Variants in GPC5 observed in about 807,000 individuals in gnomAD.
The protein encoded by GPC5 is glypican-5.
GPC5 carries 47 observed loss-of-function variants against 53.9 expected under a neutral mutation model. The observed-to-expected ratio is 0.87, with a 90% confidence interval of 0.69 to 1.11. The LOEUF is 1.11. Ranked by LOEUF, GPC5 falls within the 50% of genes most tolerant of loss-of-function variation. GPC5 has a pLI of 0.00. For synonymous variants in GPC5, 286 were observed against 263.3 expected, an observed-to-expected ratio of 1.09 and a Z score of -0.84; for missense variants, 748 against 713.1, an observed-to-expected ratio of 1.05 and a Z score of -0.56.
intron 5 of GPC5, among the ~76,000 whole-genome samples, chr13:91,845,533 A>C (rs1490945311): frequency 6.6e-6 from 1 of 152,198 alleles, no homozygotes; most frequent in Non-Finnish European, 1.5e-5. Context: ...TATACAGTAC[A>C]GTATTATTAA....
chr13:92,443,366 A>C (rs1877654785), intron 7 of GPC5, among the ~76,000 whole-genome samples: 1 of 152,212 alleles, frequency 6.6e-6, no homozygotes, highest in African/African-American at 2.4e-5. Context: ...AAGATATCCA[A>C]ACCATATTTC....
intron 4 of GPC5, among the ~76,000 whole-genome samples, chr13:91,753,910 T>C (rs911813875): frequency 6.6e-6 from 1 of 152,178 alleles, no homozygotes; most frequent in African/African-American, 2.4e-5. Flanking sequence ...TTCCCCAAAA[T>C]GTGTGTTCTT....
intron 7 of GPC5, among the ~76,000 whole-genome samples, chr13:92,362,234 T>C (rs1316767143): frequency 6.6e-6 from 1 of 151,776 alleles, no homozygotes; most frequent in Non-Finnish European, 1.5e-5. Flanking sequence ...GTTTTCCTTT[T>C]TTATTAGACT....
intron 7 of GPC5, among the ~76,000 whole-genome samples, chr13:92,589,700 T>G (rs917174823): frequency 6.6e-6 from 1 of 152,198 alleles, no homozygotes; most frequent in African/African-American, 2.4e-5. Context: ...TAATCAGGTC[T>G]GTGGTGACCC....
chr13:92,290,099 T>C (rs1377387905), intron 7 of GPC5, among the ~76,000 whole-genome samples: 1 of 152,190 alleles, frequency 6.6e-6, no homozygotes, highest in Non-Finnish European at 1.5e-5. Flanking sequence ...TTGTGTCTGA[T>C]AGTACTATAA....
At chr13:92,434,778 T>C (rs1042068825) in intron 7 of GPC5, among the ~76,000 whole-genome samples, 1 of 152,184 alleles carries the variant, frequency 6.6e-6, no homozygotes, top group African/African-American at 2.4e-5. Context: ...AAAGGTCACA[T>C]TTGGTTAATC....
chr13:91,750,290 C>A (rs1445124206), intron 4 of GPC5, among the ~76,000 whole-genome samples: 1 of 152,104 alleles, frequency 6.6e-6, no homozygotes, highest in Non-Finnish European at 1.5e-5. Flanking sequence ...TAAATATGGT[C>A]AAACTGTTAC....
At chr13:91,930,626 T>C (rs1030295507) in intron 6 of GPC5, among the ~76,000 whole-genome samples, 12 of 152,000 alleles carry the variant, frequency 7.9e-5, no homozygotes, top group African/African-American at 2.9e-4. Context: ...ACCTAACACA[T>C]GGCAGCCCAA....
At chr13:92,743,812 C>T (rs1278368113) in intron 7 of GPC5, among the ~76,000 whole-genome samples, 1 of 152,102 alleles carries the variant, frequency 6.6e-6, no homozygotes, top group Non-Finnish European at 1.5e-5. Flanking sequence ...TGAATTTTGT[C>T]AAAGGCCTTT....
intron 6 of GPC5, among the ~76,000 whole-genome samples, chr13:91,989,983 A>G (rs938189972): frequency 1.3e-5 from 2 of 152,198 alleles, no homozygotes; most frequent in African/African-American, 4.8e-5. Context: ...CATAAAGTTA[A>G]AACCTGCATG....
intron 5 of GPC5, among the ~76,000 whole-genome samples, chr13:91,875,276 C>T (rs562174607): frequency 1.3e-5 from 2 of 152,070 alleles, no homozygotes; most frequent in Non-Finnish European, 2.9e-5. Flanking sequence ...CATATCTTTC[C>T]TTTGTTTGCA....
intron 7 of GPC5, among the ~76,000 whole-genome samples, chr13:92,402,069 C>G (rs1566575536): frequency 6.6e-6 from 1 of 151,740 alleles, no homozygotes; most frequent in Admixed American, 6.6e-5. Context: ...TTCCTTTTTC[C>G]CGGAAAAAGG....
At chr13:91,959,150 G>T (rs901770853) in intron 6 of GPC5, among the ~76,000 whole-genome samples, 1 of 147,974 alleles carries the variant, frequency 6.8e-6, no homozygotes, top group Non-Finnish European at 1.5e-5. Context: ...AAACTAAATT[G>T]ATAACCCACT....
At chr13:91,479,560 A>G (rs1303359044) in intron 2 of GPC5, among the ~76,000 whole-genome samples, 1 of 152,124 alleles carries the variant, frequency 6.6e-6, no homozygotes, top group Non-Finnish European at 1.5e-5. Flanking sequence ...ATTCCCCAAG[A>G]ATATAGTCTA....
At chr13:92,777,022 CAAAAAAAAAAA>C (rs1243297680) in intron 7 of GPC5, among the ~76,000 whole-genome samples, 2 of 26,684 alleles carry the variant, frequency 7.5e-5, no homozygotes, top group Non-Finnish European at 1.3e-4. Context: ...GACCCTGCCT[CAAAAAAAAAAA>C]AAAAAAAAAA....
chr13:92,528,288 T>C lies in GPC5; in HGVS notation c.1562-337994T>C, dbSNP rs536692678. 4.6e-5 allele frequency among the ~76,000 whole-genome samples: 7 copies of C among 152,232 alleles called. No homozygotes were observed. The South Asian group carries it at 1.4e-3, about 32-fold the overall frequency. On this transcript the variant is annotated intron_variant, in intron 7 of 7. Transcript: ENST00000377067. The stretch of plus-strand genomic sequence containing the variant: ...TTATTAACATTTGGCTGCATTTTTA[T>C]AAACTTTAAAAAAGAGGATTTTGGC...
intron 7 of GPC5, among the ~76,000 whole-genome samples, chr13:92,787,124 T>A (rs1876265307): frequency 6.6e-6 from 1 of 152,034 alleles, no homozygotes; most frequent in African/African-American, 2.4e-5. Flanking sequence ...AATAATGAAC[T>A]CAAGATAGGT....
intron 5 of GPC5, among the ~76,000 whole-genome samples, chr13:91,819,785 A>G (rs1393008398): frequency 6.6e-6 from 1 of 152,114 alleles, no homozygotes; most frequent in Non-Finnish European, 1.5e-5. Flanking sequence ...GCTGGATTAT[A>G]AGTTTTGCAT....
At chr13:92,445,011 T>G (rs1877740491) in intron 7 of GPC5, among the ~76,000 whole-genome samples, 1 of 152,106 alleles carries the variant, frequency 6.6e-6, no homozygotes, top group African/African-American at 2.4e-5. Flanking sequence ...GCCTGAAAGA[T>G]TTATAAAATT....
Sources: allele counts gnomAD v4.1 joint callset (sites outside exome capture counted in the v4.1 genomes callset), GRCh38; gene constraint gnomAD v4.1.1; transcripts MANE v1.5; gene names NCBI Gene and HGNC (gene_info 2026-07-23, HGNC 2026-07-21).